The following EBF3 variants were observed in gnomAD, a reference collection of about 807,000 sequenced individuals.
The protein encoded by EBF3 is transcription factor COE3.
Under a neutral mutation model 77.1 loss-of-function variants are expected in EBF3, and 18 were observed. That is an observed-to-expected ratio of 0.23 (90% CI 0.16 to 0.35). The LOEUF is 0.35. EBF3 is among the 10% of genes least tolerant of loss of function. The pLI, the probability that EBF3 is intolerant of heterozygous loss-of-function variation, is 1.00. For synonymous variants in EBF3, 350 were observed against 343.5 expected, an observed-to-expected ratio of 1.02 and a Z score of -0.21; for missense variants, 558 against 860.0, an observed-to-expected ratio of 0.65 and a Z score of 4.39.
chr10:129,848,521 T>C lies in EBF3; in HGVS notation c.1040-41A>G. 1 of 1,599,560 alleles carries C rather than the reference T, an allele frequency of 6.3e-7. No individual in the cohort carries two copies. The highest frequency in any genetic ancestry group is 8.6e-7 in the Non-Finnish European group (1 of 1,166,716). On this transcript the variant is annotated intron_variant, in intron 10 of 16. Transcript: ENST00000440978. This position sits in a 1 kb window ranked among gnomAD's most constrained non-coding sequence, Gnocchi z 4.4. ...GAAATGTAGATCAGGTTAATTACTT[T>C]TATGTCATCCATTACTCGTTTATTG...
In EBF3 at chr10:129,935,724, G is replaced by A. The variant is rs952968861; in HGVS notation, c.554+21534C>T. ...ACTGGGGAGTCCAGAGGCCAACCCC[G>A]CAGTCACTGCTGCACAGAAACAAAG... On this transcript the variant is annotated intron_variant, in intron 6 of 16. Coordinates refer to ENST00000440978, the MANE Select transcript of EBF3 (RefSeq NM_001375380.1). This position sits in a 1 kb window ranked among gnomAD's most constrained non-coding sequence, Gnocchi z 4.2. Among the ~76,000 whole-genome samples, 3 of 152,160 alleles carry A rather than the reference G, an allele frequency of 2.0e-5. No homozygotes were observed. Among genetic ancestry groups the A allele is most frequent in the African/African-American group, 2.4e-5 (1 of 41,432 alleles).
chr10:129,875,229 C>A (rs181573790), intron 7 of EBF3, among the ~76,000 whole-genome samples: 1 of 122,920 alleles, frequency 8.1e-6, no homozygotes. Flanking sequence ...TGGAGTCTCG[C>A]TCTGTTGCCC....
At chr10:129,914,131 GC>G (rs1855710920) in intron 6 of EBF3, among the ~76,000 whole-genome samples, 2 of 152,194 alleles carry the variant, frequency 1.3e-5, no homozygotes, top group Admixed American at 1.3e-4. Context: ...CCAGGCTGGG[GC>G]CAGGAACCAA....
chr10:129,922,929 G>A (rs910035194), intron 6 of EBF3, among the ~76,000 whole-genome samples: 1 of 152,200 alleles, frequency 6.6e-6, no homozygotes, highest in African/African-American at 2.4e-5. Flanking sequence ...GTGACCAGTC[G>A]GAGCTGGTCA....
Position 129,835,343 on chromosome 10 carries a change from G to A in EBF3, c.*2600C>T, listed in dbSNP as rs917158628. ...TGTGTAAAATGAACATTTTTATACA[G>A]TTAAATATCTGAAAAAATGTACAGA... On this transcript the variant is annotated 3_prime_UTR_variant, in exon 17 of 17. Coordinates refer to ENST00000440978, the MANE Select transcript of EBF3 (RefSeq NM_001375380.1). 1 of 152,518 alleles carries A rather than the reference G, an allele frequency of 6.6e-6. No homozygotes were observed. The highest frequency in any genetic ancestry group is 2.1e-4 in the South Asian group (1 of 4,828). The allele number at this position is 152,518 out of a possible 1,614,324, so 9.4% of individuals were successfully genotyped here. A position where few individuals can be genotyped will look rare whatever the true frequency, so the allele number is the denominator to read the frequency against.
At chr10:129,890,486 C>T (rs1454367059) in intron 6 of EBF3, among the ~76,000 whole-genome samples, 1 of 152,258 alleles carries the variant, frequency 6.6e-6, no homozygotes, top group Non-Finnish European at 1.5e-5. Flanking sequence ...CACAGCGGGG[C>T]CTCCGCCAGC....
Position 129,938,287 on chromosome 10 carries a change from C to T in EBF3, c.554+18971G>A, listed in dbSNP as rs1050841572. ...GGGTGCAATGGCTCTCATCTATAGTCCCAGCACTTTGGAAGGCCAAGGGAG... is the reference window on the plus strand; with the variant it reads ...GGGTGCAATGGCTCTCATCTATAGTTCCAGCACTTTGGAAGGCCAAGGGAG... On this transcript the variant is annotated intron_variant, in intron 6 of 16. Coordinates refer to ENST00000440978, the MANE Select transcript of EBF3 (RefSeq NM_001375380.1). This position sits in a 1 kb window ranked among gnomAD's most constrained non-coding sequence, Gnocchi z 5.1. Among the ~76,000 whole-genome samples the T allele has an allele frequency of 6.6e-6, 1 of 151,582 alleles. No individual in the cohort carries two copies. Among genetic ancestry groups the T allele is most frequent in the African/African-American group, 2.4e-5 (1 of 41,232 alleles).
At chr10:129,951,998 G>C (rs572582202) in intron 6 of EBF3, among the ~76,000 whole-genome samples, 1 of 152,240 alleles carries the variant, frequency 6.6e-6, no homozygotes, top group East Asian at 1.9e-4. Context: ...ACCTGAGCCC[G>C]GCGAAGCCAA....
rs1474874864 is a variant in EBF3 at position 129,935,942 on chromosome 10, C to T, written c.554+21316G>A. 6.6e-6 allele frequency among the ~76,000 whole-genome samples: 1 copy of T among 152,070 alleles called. No individual in the cohort carries two copies. Among genetic ancestry groups the T allele is most frequent in the Admixed American group, 6.5e-5 (1 of 15,290 alleles). ...GCAGCCCTGGAGCACCAGGGCCCCTCCTCCACCATCATCCATCGGGGGGCT... is the reference window on the plus strand; with the variant it reads ...GCAGCCCTGGAGCACCAGGGCCCCTTCTCCACCATCATCCATCGGGGGGCT... On this transcript the variant is annotated intron_variant, in intron 6 of 16. Transcript: ENST00000440978. The surrounding 1 kb of genome is among the most constrained non-coding windows in gnomAD (Gnocchi z 4.2).
chr10:129,895,351 C>T (rs572372766), intron 6 of EBF3, among the ~76,000 whole-genome samples: 3 of 152,326 alleles, frequency 2.0e-5, no homozygotes, highest in East Asian at 1.9e-4. Context: ...GGAGGCCCTG[C>T]GACAAGGCTT....
chr10:129,958,440 TAAC>T (rs1564926487), intron 5 of EBF3, among the ~76,000 whole-genome samples: 2 of 152,312 alleles, frequency 1.3e-5, no homozygotes, highest in African/African-American at 4.8e-5. Flanking sequence ...GCACGCTATC[TAAC>T]AACGACACGA....
At chr10:129,956,461 C>T (rs1394429218) in intron 6 of EBF3, among the ~76,000 whole-genome samples, 1 of 152,178 alleles carries the variant, frequency 6.6e-6, no homozygotes, top group Admixed American at 6.5e-5. Flanking sequence ...TCCTGCACGG[C>T]ACCGAAACCC....
At chr10:129,903,613 G>C (rs1366997187) in intron 6 of EBF3, among the ~76,000 whole-genome samples, 1 of 152,210 alleles carries the variant, frequency 6.6e-6, no homozygotes, top group Non-Finnish European at 1.5e-5. Context: ...TATTTGTTGA[G>C]ACATTTCCTA....
chr10:129,954,201 C>T (rs1411821300), intron 6 of EBF3, among the ~76,000 whole-genome samples: 1 of 152,142 alleles, frequency 6.6e-6, no homozygotes, highest in Non-Finnish European at 1.5e-5. Context: ...TGTAGTATCT[C>T]TTTATTGACC....
chr10:129,841,049 C>CCCCA lies in EBF3; in HGVS notation c.1373-18_1373-17insTGGG, dbSNP rs765439216. On this transcript the variant is annotated splice_polypyrimidine_tract_variant and intron_variant, in intron 13 of 16. Transcript: ENST00000440978. The surrounding 1 kb of genome is among the most constrained non-coding windows in gnomAD (Gnocchi z 4.6). Reference sequence around the variant, plus strand: ...TGTAGCCGACTGTTGAAATCCCCCCCCCGGCCAAAAATAACATTATTATCA... The same window carrying CCCCA: ...TGTAGCCGACTGTTGAAATCCCCCCCCCCACCGGCCAAAAATAACATTATTATCA... 3.7e-6 allele frequency: 6 copies of CCCCA among 1,604,718 alleles called. No homozygotes were observed. Among genetic ancestry groups the CCCCA allele is most frequent in the Admixed American group, 1.7e-5 (1 of 59,602 alleles).
At chr10:129,873,305 G>A (rs760968553) in intron 8 of EBF3, 147 bp downstream of exon 8, 110 of 982,520 alleles carry the variant, frequency 1.1e-4, no homozygotes, top group Non-Finnish European at 1.3e-4. Context: ...CTTCCACCTC[G>A]GGGACACCCC....
At chr10:129,937,492 C>T (rs1347861166) in intron 6 of EBF3, among the ~76,000 whole-genome samples, 2 of 152,138 alleles carry the variant, frequency 1.3e-5, no homozygotes, top group African/African-American at 4.8e-5. Context: ...CAGCGCTGCC[C>T]CAAGCCCACA....
chr10:129,908,615 C>T (rs975136790), intron 6 of EBF3, among the ~76,000 whole-genome samples: 9 of 152,192 alleles, frequency 5.9e-5, no homozygotes, highest in African/African-American at 1.9e-4. Context: ...CCAGTGTCGG[C>T]GCAGCCACCG....
chr10:129,868,934 C>T (rs1396740442), intron 8 of EBF3, among the ~76,000 whole-genome samples: 1 of 152,210 alleles, frequency 6.6e-6, no homozygotes, highest in Non-Finnish European at 1.5e-5. Flanking sequence ...GCTTCCGCAG[C>T]CCGGGCCAGG....
Sources: gnomAD v4.1 joint callset for allele counts (sites outside exome capture counted in the v4.1 genomes callset) on GRCh38, gnomAD v4.1.1 for gene constraint, Gnocchi (gnomAD v3.1) non-coding constraint, MANE v1.5 for transcripts, NCBI Gene and HGNC (gene_info 2026-07-23, HGNC 2026-07-21) for gene names.